SLCO1B3: variants seen among roughly 807,000 people sequenced by gnomAD.
SLCO1B3 encodes solute carrier organic anion transporter family member 1B3.
In SLCO1B3, 72 loss-of-function variants were observed where a neutral mutation model predicts 71.8. The ratio of observed to expected loss-of-function variants is 1.00; its 90% CI spans 0.83 to 1.22. The LOEUF is 1.22. Ranked by LOEUF, SLCO1B3 falls within the 50% of genes most tolerant of loss-of-function variation. SLCO1B3 has a pLI of 0.00. For missense variants in SLCO1B3, 911 were observed against 819.7 expected, an observed-to-expected ratio of 1.11 and a Z score of -1.36; for synonymous variants, 298 against 278.4, an observed-to-expected ratio of 1.07 and a Z score of -0.70.
In SLCO1B3 at chr12:20,815,799, A is replaced by G. The variant is rs1864181975; in HGVS notation, c.61A>G (p.Thr21Ala). The G allele has an allele frequency of 6.3e-7, 1 of 1,597,012 alleles. No individual in the cohort carries two copies. Among genetic ancestry groups the G allele is most frequent in the African/African-American group, 1.3e-5 (1 of 74,618 alleles). ...GTCAGCATCTTCAGAGAAAAAGAAA[A>G]CAAGACGCTGCAATGGATTCAAGGT... ...AESASSEKKK[T>A]RRCNGFKMFL... Residue 21 changes from threonine to alanine, a missense_variant, in exon 3 of 16, where the codon ACA becomes GCA. By Grantham distance (58) the Thr-to-Ala change is moderately conservative (BLOSUM62 0). Transcript: ENST00000381545.
intron 8 of SLCO1B3, among the ~76,000 whole-genome samples, chr12:20,873,115 C>A (rs957770653): frequency 6.6e-6 from 1 of 152,154 alleles, no homozygotes; most frequent in African/African-American, 2.4e-5. Flanking sequence ...AGATTTCTTA[C>A]CTCATCACTC....
In SLCO1B3 at chr12:20,862,534, G is replaced by C; in HGVS notation, c.604G>C (p.Glu202Gln). 1 of 1,611,106 alleles carries C rather than the reference G, an allele frequency of 6.2e-7. No homozygotes were observed. The highest frequency in any genetic ancestry group is 8.5e-7 in the Non-Finnish European group (1 of 1,178,326). ...GISYIDDFAK[E>Q]GHSSLYLGSL... ...TTCATACATTGATGATTTTGCAAAA[G>C]AAGGACATTCTTCCTTGTATTTAGG... The change falls in exon 7 of 16, where the codon GAA becomes CAA. Residue 202 changes from glutamate (E) to glutamine (Q), a missense_variant. By Grantham distance (29) the Glu-to-Gln change is conservative. Transcript: ENST00000381545.
In SLCO1B3 at chr12:20,901,423, T is replaced by C. The variant is rs759572122; in HGVS notation, c.1821T>C (p.Cys607=). 2 of 1,581,082 alleles carry C rather than the reference T, an allele frequency of 1.3e-6. No individual in the cohort carries two copies. Residue 607 remains cysteine (C), a synonymous_variant, in exon 15 of 16, where the codon TGT becomes TGC. Coordinates refer to ENST00000381545, the MANE Select transcript of SLCO1B3 (RefSeq NM_019844.4). ...KTCMKWSTNS[C]GAQGACRIYN... is the part of the protein sequence containing the mutation. Reference sequence around the variant, plus strand: ...GTATGAAGTGGTCCACCAACAGCTGTGGAGCACAAGGGGCTTGTAGGATAT... The same window carrying C: ...GTATGAAGTGGTCCACCAACAGCTGCGGAGCACAAGGGGCTTGTAGGATAT...
At chr12:20,890,065 G>A (rs1479528039) in intron 13 of SLCO1B3, among the ~76,000 whole-genome samples, 1 of 151,656 alleles carries the variant, frequency 6.6e-6, no homozygotes, top group Non-Finnish European at 1.5e-5. Context: ...TTAAAGACCT[G>A]TGCCACCACA....
At chr12:20,839,664 G>T (rs1179680957) in intron 3 of SLCO1B3, among the ~76,000 whole-genome samples, 1 of 151,996 alleles carries the variant, frequency 6.6e-6, no homozygotes, top group Non-Finnish European at 1.5e-5. Context: ...TATTCTGCTT[G>T]TTTTTCTATG....
chr12:20,886,831 A>G (rs1865800666), intron 13 of SLCO1B3, among the ~76,000 whole-genome samples: 1 of 151,898 alleles, frequency 6.6e-6, no homozygotes, highest in South Asian at 2.1e-4. Context: ...CGTGTACTTT[A>G]TATTCAATAG....
chr12:20,914,333 A>G (rs1866448608), intron 15 of SLCO1B3, among the ~76,000 whole-genome samples: 1 of 152,078 alleles, frequency 6.6e-6, no homozygotes, highest in South Asian at 2.1e-4. Flanking sequence ...ATACATTTAG[A>G]ACTAATCCAA....
rs79857309 is a variant in SLCO1B3, at chr12:20,860,499, G to A, written c.360-518G>A. 4.6e-3 allele frequency among the ~76,000 whole-genome samples: 698 copies of A among 152,068 alleles called. 4 individuals are homozygous for A. The highest frequency in any genetic ancestry group is 0.015 in the African/African-American group (626 of 41,490). ...TTAGTATTTTTGAGCATCAGCGTCT[G>A]TCCCTGATCCAGCTCCATCTCCGTT... On this transcript the variant is annotated intron_variant, in intron 5 of 15. Transcript: ENST00000381545.
chr12:20,814,289 T>C (rs887601610), intron 2 of SLCO1B3, among the ~76,000 whole-genome samples: 1 of 152,164 alleles, frequency 6.6e-6, no homozygotes, highest in Admixed American at 6.5e-5. Flanking sequence ...CTGAAACTTA[T>C]GATTTCTCAT....
intron 8 of SLCO1B3, among the ~76,000 whole-genome samples, chr12:20,870,674 G>A (rs1865458862): frequency 6.6e-6 from 1 of 151,980 alleles, no homozygotes; most frequent in South Asian, 2.1e-4. Context: ...CCATTCTGTT[G>A]GTCTACATAT....
chr12:20,829,149 C>A (rs1490322694), intron 3 of SLCO1B3, among the ~76,000 whole-genome samples: 1 of 152,164 alleles, frequency 6.6e-6, no homozygotes, highest in Admixed American at 6.5e-5. Flanking sequence ...AAACAAAAAC[C>A]AGTTAAGTCA....
chr12:20,845,197 A>ACAC, intron 3 of SLCO1B3: 1 of 389,430 alleles, frequency 2.6e-6, no homozygotes, highest in Non-Finnish European at 5.2e-6. Flanking sequence ...ACATGGGAGA[A>ACAC]GCAGATCTAC....
chr12:20,811,982 A>G (rs1283732048), intron 1 of SLCO1B3, among the ~76,000 whole-genome samples: 1 of 143,462 alleles, frequency 7.0e-6, no homozygotes, highest in Non-Finnish European at 1.5e-5. Flanking sequence ...ATTTCAGCTC[A>G]CCACAACCTC....
chr12:20,904,365 C>A (rs1866192100), intron 15 of SLCO1B3, among the ~76,000 whole-genome samples: 1 of 152,106 alleles, frequency 6.6e-6, no homozygotes, highest in Non-Finnish European at 1.5e-5. Flanking sequence ...AGTTCAGAAC[C>A]CAACAGGGCA....
intron 3 of SLCO1B3, among the ~76,000 whole-genome samples, chr12:20,830,755 T>G (rs952865620): frequency 6.6e-6 from 1 of 152,236 alleles, no homozygotes; most frequent in Admixed American, 6.5e-5. Context: ...GTTTGTTTTC[T>G]GAGCTATCTG....
At chr12:20,818,305 A>G (rs1049140106) in intron 3 of SLCO1B3, among the ~76,000 whole-genome samples, 1 of 152,168 alleles carries the variant, frequency 6.6e-6, no homozygotes, top group Non-Finnish European at 1.5e-5. Flanking sequence ...GAGCCTAAAA[A>G]AATGCTTGAC....
intron 4 of SLCO1B3, among the ~76,000 whole-genome samples, chr12:20,856,667 C>T (rs767104906): frequency 5.3e-5 from 8 of 152,206 alleles, no homozygotes; most frequent in Non-Finnish European, 1.2e-4. Context: ...TTAAGCAATT[C>T]TCCTGTCTCA....
chr12:20,831,486 G>A (rs1480409249), intron 3 of SLCO1B3, among the ~76,000 whole-genome samples: 1 of 149,228 alleles, frequency 6.7e-6, no homozygotes, highest in African/African-American at 2.5e-5. Flanking sequence ...AAGTTAAATT[G>A]TTAACATTGA....
At chr12:20,841,372 T>C (rs1864798001) in intron 3 of SLCO1B3, among the ~76,000 whole-genome samples, 1 of 152,298 alleles carries the variant, frequency 6.6e-6, no homozygotes, top group South Asian at 2.1e-4. Context: ...ACTTATCTCA[T>C]GTCTTATCAG....
Sources: gnomAD v4.1 joint callset for allele counts (sites outside exome capture counted in the v4.1 genomes callset) on GRCh38, gnomAD v4.1.1 for gene constraint, MANE v1.5 for transcripts, NCBI Gene and HGNC (gene_info 2026-07-23, HGNC 2026-07-21) for gene names.